Variants in BZW2 observed in about 807,000 individuals in gnomAD.
BZW2 encodes eIF5-mimic protein 1.
A neutral mutation model predicts 53.2 loss-of-function variants in BZW2; 23 were observed. That is an observed-to-expected ratio of 0.43 (90% CI 0.31 to 0.61). The LOEUF is 0.61. Ranked by LOEUF, BZW2 falls within the 20% of genes least tolerant of loss-of-function variation. The probability of loss-of-function intolerance (pLI) is 0.09; values close to 1 mark genes in which losing one functional copy is unlikely to be tolerated. For missense variants in BZW2, 409 were observed against 503.1 expected (o/e 0.81, Z 1.79); for synonymous variants, 227 against 186.4 (o/e 1.22, Z -1.77).
At chr7:16,647,832 C>T (rs963253563) in intron 1 of BZW2, among the ~76,000 whole-genome samples, 2 of 152,240 alleles carry the variant, frequency 1.3e-5, no homozygotes, top group Admixed American at 1.3e-4. Flanking sequence ...GATGCATACA[C>T]ATAATTGGGT....
chr7:16,690,756 T>C lies in BZW2; in HGVS notation c.651+850T>C, dbSNP rs527969861. Among the ~76,000 whole-genome samples the C allele has an allele frequency of 2.0e-5, 3 of 152,378 alleles. No homozygotes were observed. The East Asian group carries it at 5.8e-4, about 29-fold the overall frequency. On this transcript the variant is annotated intron_variant, in intron 7 of 11. Coordinates refer to ENST00000258761, the MANE Select transcript of BZW2 (RefSeq NM_014038.3). Reference sequence around the variant, plus strand: ...GATTATATTTTTATTTCTCCATCTTTGTGTTTTTCTAAGAAAATCCAGAAA... The same window carrying C: ...GATTATATTTTTATTTCTCCATCTTCGTGTTTTTCTAAGAAAATCCAGAAA...
chr7:16,675,969 T>C (rs989743818), intron 3 of BZW2, among the ~76,000 whole-genome samples: 1 of 151,996 alleles, frequency 6.6e-6, no homozygotes, highest in Non-Finnish European at 1.5e-5. Flanking sequence ...TAATCCCAGC[T>C]ACTAGAGATG....
chr7:16,690,660 T>G (rs1783273118), intron 7 of BZW2, among the ~76,000 whole-genome samples: 1 of 152,364 alleles, frequency 6.6e-6, no homozygotes, highest in African/African-American at 2.4e-5. Flanking sequence ...AATAAAAGTT[T>G]AAACAAGATT....
At chr7:16,691,287 C>T (rs979932446) in intron 7 of BZW2, among the ~76,000 whole-genome samples, 2 of 152,138 alleles carry the variant, frequency 1.3e-5, no homozygotes, top group African/African-American at 2.4e-5. Flanking sequence ...CCTCGTGAAA[C>T]CTACTTTCTA....
intron 3 of BZW2, among the ~76,000 whole-genome samples, chr7:16,679,447 A>G (rs917533161): frequency 6.6e-6 from 1 of 152,260 alleles, no homozygotes; most frequent in Admixed American, 6.5e-5. Context: ...GCATAAATTA[A>G]TTGAGTGAAA....
chr7:16,675,381 A>G (rs764918381), intron 3 of BZW2, among the ~76,000 whole-genome samples: 12 of 152,202 alleles, frequency 7.9e-5, no homozygotes, highest in East Asian at 1.9e-4. Context: ...TCTACCTGCT[A>G]TGCAAAGAAC....
At chr7:16,679,289 A>G (rs1319164704) in intron 3 of BZW2, among the ~76,000 whole-genome samples, 1 of 152,160 alleles carries the variant, frequency 6.6e-6, no homozygotes, top group Non-Finnish European at 1.5e-5. Flanking sequence ...TAAAAGTATT[A>G]ATTTGGGGAA....
chr7:16,653,079 C>T (rs1034027880), intron 1 of BZW2, among the ~76,000 whole-genome samples: 1 of 151,736 alleles, frequency 6.6e-6, no homozygotes, highest in Non-Finnish European at 1.5e-5. Flanking sequence ...TAAAGCTTCA[C>T]CTGCTAGACA....
At position 16,675,180 on chromosome 7, in the gene BZW2, T is replaced by A. The variant is rs180681473; in HGVS notation, c.235+592T>A. ...TTTATTAAGTAGATGATTCTAATAT[T>A]TATTAAGTATAATAGCCACCCATTT... On this transcript the variant is annotated intron_variant, in intron 3 of 11. Transcript: ENST00000258761. Among the ~76,000 whole-genome samples the A allele has an allele frequency of 3.3e-5, 5 of 152,324 alleles. No individual in the cohort carries two copies. The East Asian group carries it at 9.6e-4, about 29-fold the overall frequency.
chr7:16,675,116 C>T (rs1225985849), intron 3 of BZW2, among the ~76,000 whole-genome samples: 1 of 152,122 alleles, frequency 6.6e-6, no homozygotes, highest in African/African-American at 2.4e-5. Context: ...CCTTATAGAA[C>T]AGAGGCATCA....
rs1330310905 is a variant in BZW2, at chr7:16,653,972, C to T, written c.-8+7684C>T. Among the ~76,000 whole-genome samples the T allele has an allele frequency of 3.1e-4, 46 of 148,562 alleles. No homozygotes were observed. The Admixed American group carries it at 3.2e-3, about 10-fold the overall frequency. On this transcript the variant is annotated intron_variant, in intron 1 of 11. Transcript: ENST00000258761. Reference sequence around the variant, plus strand: ...TAAAATAATATAGAGACTGGCTGGGCATGGTGACTCATGCCTGTAATCCCA... The same window carrying T: ...TAAAATAATATAGAGACTGGCTGGGTATGGTGACTCATGCCTGTAATCCCA...
Position 16,656,135 on chromosome 7 carries a change from G to A in BZW2, c.-7-9302G>A, listed in dbSNP as rs762673961. On this transcript the variant is annotated intron_variant, in intron 1 of 11. Transcript: ENST00000258761. Reference sequence around the variant, plus strand: ...TATATATGTGTGTATATATATAAATGACTATATATATATATACATAAATAT... The same window carrying A: ...TATATATGTGTGTATATATATAAATAACTATATATATATATACATAAATAT... Among the ~76,000 whole-genome samples, 341 of 140,578 alleles carry A rather than the reference G, an allele frequency of 2.4e-3. 6 individuals are homozygous for A. The highest frequency in any genetic ancestry group is 0.019 in the Middle Eastern group (5 of 270). The allele number at this position is 140,578 out of a possible 152,430, so 92.2% of individuals were successfully genotyped here.
At chr7:16,701,655 T>A (rs17627078) in intron 10 of BZW2, among the ~76,000 whole-genome samples, 45,278 of 152,062 alleles carry the variant, frequency 0.3, 7,914 homozygotes, top group Non-Finnish European at 0.39. Context: ...GTCTCTTCGA[T>A]CCTCATGAAT....
intron 1 of BZW2, among the ~76,000 whole-genome samples, chr7:16,665,167 G>A (rs1185078625): frequency 1.3e-5 from 2 of 151,720 alleles, no homozygotes; most frequent in African/African-American, 2.4e-5. Flanking sequence ...TTAGCTGGGC[G>A]TGGTGGCTCA....
chr7:16,647,361 T>A (rs1781893604), intron 1 of BZW2, among the ~76,000 whole-genome samples: 1 of 152,234 alleles, frequency 6.6e-6, no homozygotes, highest in Non-Finnish European at 1.5e-5. Context: ...GACCACTGTT[T>A]CTTCTCATAG....
chr7:16,661,283 A>C (rs966640524), intron 1 of BZW2: 1 of 152,140 alleles, frequency 6.6e-6, no homozygotes, highest in African/African-American at 2.4e-5. Context: ...GTTTCTTTCC[A>C]AAATGGAGAG....
Position 16,696,968 on chromosome 7 carries a change from A to C in BZW2, c.876A>C (p.Ala292=). The change falls in exon 9 of 12, where the codon GCA becomes GCC. Residue 292 remains alanine, a synonymous_variant. Transcript: ENST00000258761. ...EMKRNDLPET[A]VIGLLWTCIM... The stretch of plus-strand genomic sequence containing the variant: ...AGAGGAATGATCTTCCAGAAACAGC[A>C]GTGATTGGTCTTCTGTGGACATGTA... 1 of 1,614,156 alleles carries C rather than the reference A, an allele frequency of 6.2e-7. No homozygotes were observed. Among genetic ancestry groups the C allele is most frequent in the Middle Eastern group, 1.6e-4 (1 of 6,062 alleles).
rs376412401 is a variant in BZW2, at chr7:16,656,555, G to GCACACACACA, written c.-7-8849_-7-8840dup. On this transcript the variant is annotated intron_variant, in intron 1 of 11. Transcript: ENST00000258761. ...ATCAAGCACTCCCCAGCGCGCGCGC[G>GCACACACACA]CACACACACACACACACACACACAC... Among the ~76,000 whole-genome samples, 1,238 of 141,276 alleles carry GCACACACACA rather than the reference G, an allele frequency of 8.8e-3. 20 individuals are homozygous for GCACACACACA. The highest frequency in any genetic ancestry group is 0.031 in the African/African-American group (1,170 of 37,854). The allele number at this position is 141,276 out of a possible 152,430, so 92.7% of individuals were successfully genotyped here.
intron 6 of BZW2, among the ~76,000 whole-genome samples, chr7:16,688,839 T>A (rs1583740581): frequency 6.6e-6 from 1 of 151,242 alleles, no homozygotes; most frequent in Admixed American, 6.5e-5. Context: ...TGATTTAACA[T>A]AACTAGCTTA....
Sources: gnomAD v4.1 joint callset for allele counts (sites outside exome capture counted in the v4.1 genomes callset) on GRCh38, gnomAD v4.1.1 for gene constraint, MANE v1.5 for transcripts, NCBI Gene and HGNC (gene_info 2026-07-23, HGNC 2026-07-21) for gene names.